ANO1: variants seen among roughly 807,000 people sequenced by gnomAD.
ANO1 encodes the protein anoctamin 1, also known as anoctamin-1.
In ANO1, 59 loss-of-function variants were observed where a neutral mutation model predicts 124.0. The observed-to-expected ratio is 0.48, with a 90% CI of 0.39 to 0.59. The LOEUF (loss-of-function observed/expected upper bound fraction) is 0.59. Among genes scored for constraint, ANO1 ranks in the 20% least tolerant of loss-of-function variants. The probability of loss-of-function intolerance (pLI) is 0.00; values close to 1 mark genes in which losing one functional copy is unlikely to be tolerated. For synonymous variants in ANO1, 529 were observed against 532.0 expected (o/e 0.99, Z 0.08); for missense variants, 1,059 against 1,328.0 (o/e 0.80, Z 3.15).
intron 2 of ANO1, among the ~76,000 whole-genome samples, chr11:70,101,416 C>A (rs1328291751): frequency 6.6e-6 from 1 of 151,600 alleles, no homozygotes; most frequent in Non-Finnish European, 1.5e-5. Context: ...ATTAGCTAGG[C>A]GTGGTGGTGC....
chr11:70,172,859 C>G (rs2048529754), intron 22 of ANO1, among the ~76,000 whole-genome samples: 1 of 151,508 alleles, frequency 6.6e-6, no homozygotes, highest in Non-Finnish European at 1.5e-5. Context: ...GAGTGAGACT[C>G]CATCTCAAAA....
chr11:70,047,476 A>C (rs1555005807), intron 1 of ANO1, among the ~76,000 whole-genome samples: 1 of 152,210 alleles, frequency 6.6e-6, no homozygotes, highest in African/African-American at 2.4e-5. Flanking sequence ...ATAAACTATG[A>C]AGAAGATAGA....
intron 10 of ANO1, chr11:70,129,333 C>T (rs1407155955): frequency 6.6e-6 from 1 of 152,264 alleles, no homozygotes; most frequent in African/African-American, 2.4e-5. Flanking sequence ...TTTAATCCTC[C>T]TGACAACCTA....
chr11:70,036,364 G>A (rs1857093569), intron 1 of ANO1, among the ~76,000 whole-genome samples: 1 of 152,102 alleles, frequency 6.6e-6, no homozygotes, highest in African/African-American at 2.4e-5. Flanking sequence ...ATAATCCAGG[G>A]TGATCTCATC....
chr11:70,111,822 GC>G lies in ANO1; in HGVS notation c.855+62del, dbSNP rs964400633. On this transcript the variant is annotated intron_variant, in intron 7 of 25. Transcript: ENST00000355303. ...CATTTGACTCCCCAAATCCCGCCGG[GC>G]CACACCCCCCCGGGAGCTGCAATTA... The G allele has an allele frequency of 3.2e-6, 5 of 1,562,296 alleles. No homozygotes were observed. The African/African-American group carries it at 4.1e-5, about 13-fold the overall frequency.
At chr11:70,009,901 G>A (rs1176076413) in intron 1 of ANO1, among the ~76,000 whole-genome samples, 1 of 151,996 alleles carries the variant, frequency 6.6e-6, no homozygotes, top group Non-Finnish European at 1.5e-5. Flanking sequence ...CACCCAATGT[G>A]TAGTCTTTTA....
chr11:70,117,516 C>A (rs75892674), intron 8 of ANO1, among the ~76,000 whole-genome samples: 1 of 152,154 alleles, frequency 6.6e-6, no homozygotes, highest in Non-Finnish European at 1.5e-5. Flanking sequence ...ACCATGCCCC[C>A]GAAAAGAACA....
intron 11 of ANO1, among the ~76,000 whole-genome samples, chr11:70,133,601 C>G (rs112538012): frequency 1.3e-5 from 2 of 152,200 alleles, no homozygotes; most frequent in Admixed American, 6.5e-5. Flanking sequence ...TCTCCAGGCC[C>G]GAGCCCTGTC....
chr11:70,121,887 A>C (rs1341122818), intron 8 of ANO1, among the ~76,000 whole-genome samples: 14 of 15,590 alleles, frequency 9.0e-4, no homozygotes, highest in East Asian at 4.8e-3. Context: ...CTGTCTCTCC[A>C]TCTCCCCCGC....
chr11:70,188,059 C>G lies in ANO1; in HGVS notation c.*55C>G. On this transcript the variant is annotated 3_prime_UTR_variant, in exon 26 of 26. Coordinates refer to ENST00000355303, the MANE Select transcript of ANO1 (RefSeq NM_018043.7). ...GGGCATCCTGACCGATGGGCACCCT[C>G]TCCCAGGGCAGGCGGCTTCCCGCTC... 6.6e-7 allele frequency: 1 copy of G among 1,517,154 alleles called. No individual in the cohort carries two copies. Among genetic ancestry groups the G allele is most frequent in the Admixed American group, 2.0e-5 (1 of 49,080 alleles). 94.0% of individuals were successfully genotyped at this position (1,517,154 alleles called of 1,614,324 possible).
intron 1 of ANO1, among the ~76,000 whole-genome samples, chr11:70,057,582 A>G (rs1162899479): frequency 6.6e-6 from 1 of 152,086 alleles, no homozygotes; most frequent in Non-Finnish European, 1.5e-5. Flanking sequence ...GCAGTGGAAA[A>G]TTACAGTTAA....
chr11:70,052,275 A>G (rs540950988), intron 1 of ANO1, among the ~76,000 whole-genome samples: 23 of 152,240 alleles, frequency 1.5e-4, no homozygotes, highest in Non-Finnish European at 5.9e-5. Flanking sequence ...GCTTTGATCC[A>G]TGTATCCTTG....
chr11:70,120,157 T>C (rs1590786654), intron 8 of ANO1, among the ~76,000 whole-genome samples: 1 of 152,114 alleles, frequency 6.6e-6, no homozygotes, highest in East Asian at 1.9e-4. Context: ...GACATTTCAA[T>C]GACATTTTCC....
At chr11:70,035,885 T>C (rs1159528703) in intron 1 of ANO1, among the ~76,000 whole-genome samples, 2 of 152,224 alleles carry the variant, frequency 1.3e-5, no homozygotes, top group Admixed American at 6.5e-5. Context: ...TAGTATTCCA[T>C]GGTGTATATG....
At chr11:70,120,180 G>A (rs924468388) in intron 8 of ANO1, among the ~76,000 whole-genome samples, 1 of 152,158 alleles carries the variant, frequency 6.6e-6, no homozygotes, top group African/African-American at 2.4e-5. Context: ...TGCTGAGCTG[G>A]AGGGTGGGCA....
At position 70,137,486 on chromosome 11, in the gene ANO1, C is replaced by T. The variant is rs564166241; in HGVS notation, c.1258+5407C>T. 1.7e-4 allele frequency among the ~76,000 whole-genome samples: 24 copies of T among 139,944 alleles called. 2 individuals carry two copies. The Middle Eastern group carries it at 0.014, about 80-fold the overall frequency. 91.8% of individuals were successfully genotyped at this position (139,944 alleles called of 152,430 possible). A position where few individuals can be genotyped will look rare whatever the true frequency, so the allele number is the denominator to read the frequency against. ...CTCGCCTTCCTAGAGACCTCAGCACCGGTCAGATCCCTCCCTGTCTCCCTC... is the reference window on the plus strand; with the variant it reads ...CTCGCCTTCCTAGAGACCTCAGCACTGGTCAGATCCCTCCCTGTCTCCCTC... On this transcript the variant is annotated intron_variant, in intron 11 of 25. Transcript: ENST00000355303.
intron 1 of ANO1, among the ~76,000 whole-genome samples, chr11:70,019,090 C>CCATT (rs1856751249): frequency 6.6e-6 from 1 of 152,176 alleles, no homozygotes; most frequent in African/African-American, 2.4e-5. Context: ...AGGAGGTGCC[C>CCATT]CATTCATTCA....
In ANO1 at chr11:70,095,279, GGAAGGAAGGAAGGAAGGAAGGAAAGAAA is replaced by G. The variant is rs1193160922; in HGVS notation, c.441+7199_441+7226del. On this transcript the variant is annotated intron_variant, in intron 2 of 25. Transcript: ENST00000355303. ...AGGAAGGAAGGAAGGAAGGAAGGAA[GGAAGGAAGGAAGGAAGGAAGGAAAGAAA>G]GAAAGAAAGAAAGGAAAGAAAGAAA... is the stretch of plus-strand genomic sequence containing the variant. Among the ~76,000 whole-genome samples the G allele has an allele frequency of 6.7e-3, 641 of 95,562 alleles. 55 individuals are homozygous for G. Among genetic ancestry groups the G allele is most frequent in the African/African-American group, 0.026 (582 of 22,064 alleles). 62.7% of individuals were successfully genotyped at this position (95,562 alleles called of 152,430 possible).
At chr11:70,159,525 C>A (rs976212758) in intron 16 of ANO1, among the ~76,000 whole-genome samples, 1 of 152,228 alleles carries the variant, frequency 6.6e-6, no homozygotes, top group Non-Finnish European at 1.5e-5. Flanking sequence ...ACAGCTTTGT[C>A]TTCAACTTGG....
Sources: gnomAD v4.1 joint callset for allele counts (sites outside exome capture counted in the v4.1 genomes callset) on GRCh38, gnomAD v4.1.1 for gene constraint, MANE v1.5 for transcripts, NCBI Gene and HGNC (gene_info 2026-07-23, HGNC 2026-07-21) for gene names.